The following ANXA8 variants were observed in gnomAD, a reference collection of about 807,000 sequenced individuals.
The protein encoded by ANXA8 is VAC-beta.
A neutral mutation model predicts 26.8 loss-of-function variants in ANXA8; 9 were observed. The observed-to-expected ratio is 0.34, with a 90% confidence interval of 0.20 to 0.59. The LOEUF (loss-of-function observed/expected upper bound fraction) is 0.59. ANXA8 is among the 20% of genes least tolerant of loss of function. ANXA8 has a pLI of 0.84. For missense variants in ANXA8, 83 were observed against 238.5 expected (o/e 0.35, Z 4.29); for synonymous variants, 39 against 94.8 (o/e 0.41, Z 3.42).
the ANXA8 span, among the ~76,000 whole-genome samples, chr10:47,733,187 T>TTCTCTCTCTCTCTC: frequency 2.1e-5 from 2 of 94,290 alleles, no homozygotes; most frequent in African/African-American, 6.7e-5. Context: ...CTTTCTTTCT[T>TTCTCTCTCTCTCTC]TCTTTCTTTC....
At chr10:47,566,593 G>C in the ANXA8 span, among the ~76,000 whole-genome samples, 302 of 146,644 alleles carry the variant, frequency 2.1e-3, no homozygotes, top group African/African-American at 7.2e-3. Flanking sequence ...CCCGCTGCCC[G>C]TTGCCCCAGA....
the ANXA8 span, among the ~76,000 whole-genome samples, chr10:47,639,298 A>AATTATTATTATT: frequency 5.4e-5 from 4 of 74,222 alleles, no homozygotes; most frequent in Non-Finnish European, 5.7e-5. Context: ...ACGCCCGGCT[A>AATTATTATTATT]ATTATTATTA....
the ANXA8 span, among the ~76,000 whole-genome samples, chr10:47,943,894 T>C: frequency 1.4e-3 from 206 of 147,754 alleles, 10 homozygotes; most frequent in Non-Finnish European, 2.6e-3. Flanking sequence ...GGCTGCTCTG[T>C]AGCCCCAAGC....
chr10:47,627,019 C>G, the ANXA8 span, among the ~76,000 whole-genome samples: 3 of 149,254 alleles, frequency 2.0e-5, no homozygotes, highest in Non-Finnish European at 4.4e-5. Context: ...TTCTAAGGTT[C>G]TTGCTGGAAA....
At chr10:47,548,616 CTTTTTTTT>C in the ANXA8 span, among the ~76,000 whole-genome samples, 5 of 71,692 alleles carry the variant, frequency 7.0e-5, no homozygotes, top group African/African-American at 2.5e-4. Flanking sequence ...TTCTTTTTTT[CTTTTTTTT>C]GCTAATGTAA....
the ANXA8 span, among the ~76,000 whole-genome samples, chr10:47,704,886 T>C: frequency 2.0e-5 from 3 of 152,038 alleles, no homozygotes; most frequent in African/African-American, 7.3e-5. Flanking sequence ...AAACATACTT[T>C]ATTCATTAAT....
chr10:47,685,346 CAAAA>C, the ANXA8 span, among the ~76,000 whole-genome samples: 1 of 82,978 alleles, frequency 1.2e-5, no homozygotes, highest in Non-Finnish European at 2.6e-5. Context: ...GAATCTGTCT[CAAAA>C]AAAAAAAAAA....
the ANXA8 span, among the ~76,000 whole-genome samples, chr10:47,630,289 C>G: frequency 6.7e-6 from 1 of 148,262 alleles, no homozygotes; most frequent in Non-Finnish European, 1.5e-5. Context: ...GTGTAAATGT[C>G]TTAATTGTTA....
chr10:47,484,500 G>A (rs1263335830), upstream of ANXA8: 3 of 1,227,408 alleles, frequency 2.4e-6, no homozygotes, highest in East Asian at 7.9e-5. Context: ...GAGGCCAGTT[G>A]GTGAGAAGGT....
At chr10:47,490,653 T>C in the ANXA8 span, among the ~76,000 whole-genome samples, 1 of 141,796 alleles carries the variant, frequency 7.1e-6, no homozygotes, top group South Asian at 2.3e-4. Context: ...CGCTGAGCTT[T>C]TCTCCCAACA....
chr10:47,777,171 C>G, the ANXA8 span, among the ~76,000 whole-genome samples: 1 of 151,524 alleles, frequency 6.6e-6, no homozygotes, highest in Admixed American at 6.6e-5. Context: ...GCAATCTCAG[C>G]CCCAGCCTGT....
chr10:47,772,557 C>G, the ANXA8 span, among the ~76,000 whole-genome samples: 5 of 152,174 alleles, frequency 3.3e-5, no homozygotes, highest in East Asian at 9.7e-4. Context: ...TAAGAAATGG[C>G]TGTCAATGCC....
At chr10:47,502,731 G>A in the ANXA8 span, 1 of 1,598,780 alleles carries the variant, frequency 6.3e-7, no homozygotes, top group Admixed American at 1.7e-5. Context: ...TCGACTGCAG[G>A]GCCATGGCCT....
chr10:47,493,551 CCAGACCCCA>C, the ANXA8 span, among the ~76,000 whole-genome samples: 9 of 150,034 alleles, frequency 6.0e-5, no homozygotes, highest in African/African-American at 2.0e-4. Context: ...AGAATGGCTT[CCAGACCCCA>C]CAGACCCCCT....
the ANXA8 span, among the ~76,000 whole-genome samples, chr10:47,643,555 T>C: frequency 6.9e-6 from 1 of 145,742 alleles, no homozygotes; most frequent in Non-Finnish European, 1.5e-5. Context: ...AATCAATCAA[T>C]CAATAAAACT....
the ANXA8 span, among the ~76,000 whole-genome samples, chr10:47,645,543 G>C: frequency 6.6e-6 from 1 of 150,938 alleles, no homozygotes; most frequent in African/African-American, 2.5e-5. Flanking sequence ...GAAAAAGAAA[G>C]AGAAAGAAGA....
chr10:47,655,473 G>C, the ANXA8 span, among the ~76,000 whole-genome samples: 1 of 151,610 alleles, frequency 6.6e-6, no homozygotes, highest in Admixed American at 6.6e-5. Flanking sequence ...AAGGAGGCAA[G>C]ATATTTCAGT....
chr10:47,640,099 C>CT, the ANXA8 span, among the ~76,000 whole-genome samples: 1 of 134,364 alleles, frequency 7.4e-6, no homozygotes, highest in Admixed American at 7.4e-5. Flanking sequence ...GCTGAGAAGG[C>CT]TTTTTATTAT....
At chr10:47,743,319 T>TATATACAC in the ANXA8 span, among the ~76,000 whole-genome samples, 2 of 45,872 alleles carry the variant, frequency 4.4e-5, no homozygotes, top group African/African-American at 7.0e-5. Flanking sequence ...TATACACATA[T>TATATACAC]ATATATATAC....
Sources: gnomAD v4.1 joint callset for allele counts (sites outside exome capture counted in the v4.1 genomes callset) on GRCh38, gnomAD v4.1.1 for gene constraint, MANE v1.5 for transcripts, NCBI Gene and HGNC (gene_info 2026-07-23, HGNC 2026-07-21) for gene names.